Variants in FRYL observed in about 807,000 individuals in gnomAD.
FRYL encodes the protein FRY like transcription coactivator.
A neutral mutation model predicts 351.2 loss-of-function variants in FRYL; 150 were observed. The observed-to-expected ratio is 0.43, with a 90% CI of 0.37 to 0.49. FRYL has a LOEUF of 0.49. FRYL is among the 20% of genes least tolerant of loss of function. FRYL has a pLI of 0.00. For synonymous variants in FRYL, 1,153 were observed against 1,257.1 expected, an observed-to-expected ratio of 0.92 and a Z score of 1.75; for missense variants, 3,036 against 3,619.3, an observed-to-expected ratio of 0.84 and a Z score of 4.13.
intron 1 of FRYL, among the ~76,000 whole-genome samples, chr4:48,768,526 C>T (rs571983911): frequency 8.5e-5 from 13 of 152,242 alleles, no homozygotes; most frequent in Admixed American, 7.2e-4. Flanking sequence ...ACAATTCAGC[C>T]GGCTGCAGTA....
In FRYL at chr4:48,504,098, CAG is replaced by C. The variant is rs544475071; in HGVS notation, c.8464-1255_8464-1254del. ...AGCAATTACTCTAAATATGCTAAAA[CAG>C]TGCAGTTTTTGTGGATGAGTGTGTG... On this transcript the variant is annotated intron_variant, in intron 60 of 63. Coordinates refer to ENST00000358350, the MANE Select transcript of FRYL (RefSeq NM_015030.2). 9.2e-5 allele frequency among the ~76,000 whole-genome samples: 14 copies of C among 152,106 alleles called. No individual in the cohort carries two copies. In the South Asian group the frequency reaches 1.9e-3, roughly 20 times the overall value.
At chr4:48,676,060 G>A (rs1763617296) in intron 3 of FRYL, among the ~76,000 whole-genome samples, 1 of 152,134 alleles carries the variant, frequency 6.6e-6, no homozygotes, top group African/African-American at 2.4e-5. Flanking sequence ...CTAGCTCAGG[G>A]ATTGTAAACG....
intron 2 of FRYL, among the ~76,000 whole-genome samples, chr4:48,700,018 G>C (rs189089142): frequency 7.7e-4 from 117 of 152,208 alleles, no homozygotes; most frequent in Non-Finnish European, 1.4e-3. Context: ...GTATAATAAA[G>C]GAACAGAGTC....
In FRYL at chr4:48,704,778, G is replaced by A. The variant is rs145050810; in HGVS notation, c.-204+5741C>T. Among the ~76,000 whole-genome samples the A allele has an allele frequency of 2.6e-3, 398 of 151,836 alleles. 2 individuals carry two copies. The highest frequency in any genetic ancestry group is 7.3e-3 in the African/African-American group (304 of 41,432). Reference sequence around the variant, plus strand: ...AGCCTGGCCAACAAGGCAAAACCCCGTCTCTACTAAAAGTACAAAAATTAG... The same window carrying A: ...AGCCTGGCCAACAAGGCAAAACCCCATCTCTACTAAAAGTACAAAAATTAG... On this transcript the variant is annotated intron_variant, in intron 2 of 63. Transcript: ENST00000358350.
intron 47 of FRYL, among the ~76,000 whole-genome samples, chr4:48,537,956 A>T (rs1051922810): frequency 1.2e-4 from 19 of 152,074 alleles, no homozygotes; most frequent in Admixed American, 3.3e-4. Flanking sequence ...TTTCCCCCTT[A>T]TATTTGCTTT....
chr4:48,631,629 A>G (rs894575763), intron 4 of FRYL, among the ~76,000 whole-genome samples: 9 of 152,160 alleles, frequency 5.9e-5, no homozygotes, highest in Admixed American at 2.0e-4. Flanking sequence ...CACATCGGAG[A>G]AGATAAACAT....
chr4:48,645,719 C>T (rs892840616), intron 3 of FRYL, among the ~76,000 whole-genome samples: 5 of 152,074 alleles, frequency 3.3e-5, no homozygotes, highest in South Asian at 4.1e-4. Flanking sequence ...TGAACTATTG[C>T]CTTACCCTAT....
intron 3 of FRYL, among the ~76,000 whole-genome samples, chr4:48,658,302 T>C (rs1419175562): frequency 6.6e-6 from 1 of 152,032 alleles, no homozygotes; most frequent in Non-Finnish European, 1.5e-5. Flanking sequence ...GTATCCAGAA[T>C]TACCATAAGG....
At chr4:48,671,259 C>G (rs954449748) in intron 3 of FRYL, among the ~76,000 whole-genome samples, 2 of 152,114 alleles carry the variant, frequency 1.3e-5, no homozygotes, top group African/African-American at 4.8e-5. Context: ...TATAAAAATA[C>G]CCAACAAAAA....
intron 57 of FRYL, among the ~76,000 whole-genome samples, chr4:48,511,870 A>G (rs1456320692): frequency 6.6e-6 from 1 of 152,164 alleles, no homozygotes; most frequent in Non-Finnish European, 1.5e-5. Context: ...TCAGAGGACA[A>G]TAACTTAAAT....
intron 32 of FRYL, 39 bp downstream of exon 32, chr4:48,562,850 C>T: frequency 8.7e-7 from 1 of 1,149,972 alleles, no homozygotes; most frequent in Non-Finnish European, 1.3e-6. Context: ...TTCATTAAAT[C>T]CTGAGTAAAA....
rs1726723902 is a variant in FRYL at position 48,528,312 on chromosome 4, C to A, written c.6928G>T (p.Gly2310Cys). 6.2e-7 allele frequency: 1 copy of A among 1,607,476 alleles called. No individual in the cohort carries two copies. The highest frequency in any genetic ancestry group is 1.3e-5 in the African/African-American group (1 of 74,672). ...SETPIIGNKY[G>C]DQHSAAGRNG... ...CTTCCAGCCGCACTGTGCTGATCAC[C>A]ATATTTGTTTCCAATAATTGGTGTC... Residue 2310 changes from glycine to cysteine, a missense_variant, in exon 51 of 64, where the codon GGT becomes TGT. Coordinates refer to ENST00000358350, the MANE Select transcript of FRYL (RefSeq NM_015030.2).
intron 35 of FRYL, among the ~76,000 whole-genome samples, chr4:48,555,966 C>T (rs1734025937): frequency 1.3e-5 from 2 of 152,190 alleles, no homozygotes; most frequent in East Asian, 1.9e-4. Context: ...GCAATCTTGG[C>T]TCACTGCAAC....
At chr4:48,766,859 G>T (rs561060716) in intron 1 of FRYL, among the ~76,000 whole-genome samples, 1 of 151,648 alleles carries the variant, frequency 6.6e-6, no homozygotes, top group Non-Finnish European at 1.5e-5. Context: ...CACCTTAAAT[G>T]ATGTCAAATA....
rs529615390 is a variant in FRYL, at chr4:48,518,952, G to A, written c.7689+2096C>T. Reference sequence around the variant, plus strand: ...CTGTGTCACAGTTGCCACGGGCCCCGTGCCTAGCCTAGTGCCTAGCACGAG... The same window carrying A: ...CTGTGTCACAGTTGCCACGGGCCCCATGCCTAGCCTAGTGCCTAGCACGAG... On this transcript the variant is annotated intron_variant, in intron 55 of 63. Transcript: ENST00000358350. Among the ~76,000 whole-genome samples the A allele has an allele frequency of 1.3e-4, 19 of 150,378 alleles. 1 individual carries two copies. Among genetic ancestry groups the A allele is most frequent in the South Asian group, 2.1e-4 (1 of 4,826 alleles).
At chr4:48,670,249 C>G (rs1444610166) in intron 3 of FRYL, among the ~76,000 whole-genome samples, 5 of 151,874 alleles carry the variant, frequency 3.3e-5, no homozygotes, top group African/African-American at 1.2e-4. Context: ...GTCTGGCCAA[C>G]ATGGTGAAAC....
At chr4:48,629,868 T>C (rs1325069409) in intron 4 of FRYL, among the ~76,000 whole-genome samples, 1 of 152,164 alleles carries the variant, frequency 6.6e-6, no homozygotes, top group Non-Finnish European at 1.5e-5. Flanking sequence ...AAGATTGTTT[T>C]AAAAAGCTTG....
chr4:48,571,837 C>T (rs1409312862), intron 26 of FRYL: 1 of 984,876 alleles, frequency 1.0e-6, no homozygotes, highest in African/African-American at 1.7e-5. Context: ...GAGTCTAAAG[C>T]TCTTCAACTA....
At chr4:48,705,808 T>C (rs1057273448) in intron 2 of FRYL, among the ~76,000 whole-genome samples, 7 of 152,126 alleles carry the variant, frequency 4.6e-5, no homozygotes, top group African/African-American at 1.4e-4. Context: ...CCATACTTCC[T>C]GGTATTCACA....
Sources: gnomAD v4.1 joint callset for allele counts (sites outside exome capture counted in the v4.1 genomes callset) on GRCh38, gnomAD v4.1.1 for gene constraint, MANE v1.5 for transcripts, NCBI Gene and HGNC (gene_info 2026-07-23, HGNC 2026-07-21) for gene names.